FCHSD2: variants seen among roughly 807,000 people sequenced by gnomAD.
FCHSD2 encodes the protein FCH and double SH3 domains 2, also known as F-BAR and double SH3 domains protein 2.
Under a neutral mutation model 108.1 loss-of-function variants are expected in FCHSD2, and 38 were observed. The observed-to-expected ratio is 0.35, with a 90% CI of 0.27 to 0.46. The LOEUF is 0.46. FCHSD2 is among the 20% of genes least tolerant of loss of function. The pLI, the probability that FCHSD2 is intolerant of heterozygous loss-of-function variation, is 1.00. For missense variants in FCHSD2, 751 were observed against 897.8 expected, an observed-to-expected ratio of 0.84 and a Z score of 2.09; for synonymous variants, 279 against 314.7, an observed-to-expected ratio of 0.89 and a Z score of 1.20.
intron 1 of FCHSD2, 46 bp from the exon 2 acceptor site, chr11:73,140,174 C>A: frequency 2.5e-6 from 3 of 1,184,432 alleles, no homozygotes; most frequent in South Asian, 1.4e-5. Context: ...CAAATTTAAC[C>A]CAAAAAAATT....
intron 5 of FCHSD2, among the ~76,000 whole-genome samples, chr11:72,995,514 C>A (rs1857503453): frequency 6.6e-6 from 1 of 151,664 alleles, no homozygotes; most frequent in Non-Finnish European, 1.5e-5. Flanking sequence ...CCACCCTGGG[C>A]AACATGGTGA....
At chr11:73,120,680 G>T (rs1860711597) in intron 2 of FCHSD2, among the ~76,000 whole-genome samples, 1 of 151,978 alleles carries the variant, frequency 6.6e-6, no homozygotes, top group Non-Finnish European at 1.5e-5. Context: ...AGTGAGCTGA[G>T]ATCATGCCAC....
intron 2 of FCHSD2, among the ~76,000 whole-genome samples, chr11:73,111,684 G>A (rs191868874): frequency 9.9e-5 from 15 of 151,330 alleles, no homozygotes; most frequent in African/African-American, 3.4e-4. Context: ...CTTCCTTCCT[G>A]TCTTCCTTTT....
intron 8 of FCHSD2, among the ~76,000 whole-genome samples, chr11:72,935,300 C>T (rs546375758): frequency 3.2e-4 from 48 of 152,240 alleles, no homozygotes; most frequent in Non-Finnish European, 5.7e-4. Flanking sequence ...GAACTTTAAA[C>T]AGTCCCCTCC....
chr11:72,952,718 G>A (rs1002576765), intron 8 of FCHSD2, among the ~76,000 whole-genome samples: 1 of 152,132 alleles, frequency 6.6e-6, no homozygotes, highest in Admixed American at 6.5e-5. Context: ...TGGAAGATAA[G>A]GGAAGGAAGA....
intron 8 of FCHSD2, among the ~76,000 whole-genome samples, chr11:72,952,441 C>A (rs1014000554): frequency 2.0e-5 from 3 of 151,994 alleles, no homozygotes; most frequent in Non-Finnish European, 4.4e-5. Flanking sequence ...TCTCCTGCCT[C>A]AGCCTCCTGA....
At chr11:73,085,976 A>T (rs1196653685) in intron 2 of FCHSD2, among the ~76,000 whole-genome samples, 1 of 152,208 alleles carries the variant, frequency 6.6e-6, no homozygotes, top group African/African-American at 2.4e-5. Context: ...AAAGATACTA[A>T]AACAATGGTT....
At chr11:72,930,019 A>G (rs1451625232) in intron 8 of FCHSD2, among the ~76,000 whole-genome samples, 1 of 152,194 alleles carries the variant, frequency 6.6e-6, no homozygotes, top group Non-Finnish European at 1.5e-5. Flanking sequence ...GAAGTAGAGA[A>G]TGAGGCATTT....
rs143309417 is a variant in FCHSD2, at chr11:73,025,732, G to A, written c.166-9847C>T. Among the ~76,000 whole-genome samples the A allele has an allele frequency of 1.3e-5, 2 of 152,204 alleles. 1 individual carries two copies. Among genetic ancestry groups the A allele is most frequent in the African/African-American group, 4.8e-5 (2 of 41,516 alleles). On this transcript the variant is annotated intron_variant, in intron 3 of 19. Transcript: ENST00000409418. ...GTAGAATTATAATCTGTATACTTGT[G>A]ACTAAACTATATCTCTAAATTGGTA...
intron 3 of FCHSD2, among the ~76,000 whole-genome samples, chr11:73,037,784 C>T (rs532286213): frequency 6.6e-6 from 1 of 152,196 alleles, no homozygotes; most frequent in African/African-American, 2.4e-5. Context: ...GTCCTCATTA[C>T]CTTGTAACCC....
intron 14 of FCHSD2, among the ~76,000 whole-genome samples, chr11:72,847,898 G>C (rs571892018): frequency 4.6e-5 from 7 of 152,100 alleles, no homozygotes; most frequent in Non-Finnish European, 1.0e-4. Flanking sequence ...TCACCATGTT[G>C]GTTGGGCCAG....
At position 72,984,119 on chromosome 11, in the gene FCHSD2, T is replaced by C. The variant is rs1229718360; in HGVS notation, c.674A>G (p.Tyr225Cys). Reference protein sequence around the residue: ...LAAANAHQDRYYQTDLVNIMK... With the variant: ...LAAANAHQDRCYQTDLVNIMK... ...AATGTTAACTAAATCTGTTTGATAG[T>C]AGCGATCCTGATGTGCATTTGCTGC... is the stretch of plus-strand genomic sequence containing the variant. The change falls in exon 8 of 20, where the codon TAC becomes TGC. Residue 225 changes from tyrosine (Y) to cysteine (C), a missense_variant. Physicochemically the swap from Tyr to Cys is radical, Grantham distance 194. Transcript: ENST00000409418. 1.9e-6 allele frequency: 3 copies of C among 1,613,336 alleles called. No individual in the cohort carries two copies. Among genetic ancestry groups the C allele is most frequent in the African/African-American group, 1.3e-5 (1 of 74,936 alleles).
chr11:72,842,974 C>A, intron 16 of FCHSD2, 133 bp from the exon 17 acceptor site: 1 of 880,722 alleles, frequency 1.1e-6, no homozygotes, highest in Non-Finnish European at 1.7e-6. Context: ...TTTTTACTCA[C>A]TGATGAATGA....
intron 2 of FCHSD2, among the ~76,000 whole-genome samples, chr11:73,110,699 T>G (rs1181636884): frequency 6.6e-6 from 1 of 152,138 alleles, no homozygotes; most frequent in African/African-American, 2.4e-5. Context: ...TTTCTTTTAT[T>G]CTACTAATTG....
intron 10 of FCHSD2, among the ~76,000 whole-genome samples, chr11:72,898,853 C>T (rs1855472206): frequency 6.6e-6 from 1 of 151,902 alleles, no homozygotes; most frequent in African/African-American, 2.4e-5. Context: ...CTTCAGCTTC[C>T]TGAGTAGCAG....
chr11:72,923,037 C>A (rs560346601), intron 8 of FCHSD2, among the ~76,000 whole-genome samples: 7 of 152,230 alleles, frequency 4.6e-5, no homozygotes, highest in Admixed American at 4.6e-4. Context: ...TAAATCAAAT[C>A]ATATAATATA....
At chr11:73,123,533 T>C (rs142906284) in intron 2 of FCHSD2, among the ~76,000 whole-genome samples, 209 of 152,346 alleles carry the variant, frequency 1.4e-3, no homozygotes, top group Middle Eastern at 6.8e-3. Flanking sequence ...AGTGCACAGG[T>C]GACTCTTGCT....
chr11:72,867,993 G>A lies in FCHSD2; in HGVS notation c.1180C>T (p.Leu394=). 1 of 1,571,788 alleles carries A rather than the reference G, an allele frequency of 6.4e-7. No homozygotes were observed. Among genetic ancestry groups the A allele is most frequent in the Admixed American group, 1.9e-5 (1 of 51,802 alleles). Residue 394 remains leucine, a synonymous_variant, in exon 13 of 20, where the codon CTG becomes TTG. Transcript: ENST00000409418. ...ACAGAAACACCAATCTGCTTTAGCA[G>A]GTCCAACCGGGCTTCAGCTTTCAAT... is the stretch of plus-strand genomic sequence containing the variant. ...IKLKAEARLD[L]LKQIGVSVDT... is the part of the protein sequence containing the mutation.
At chr11:73,054,004 G>A (rs889035329) in intron 3 of FCHSD2, among the ~76,000 whole-genome samples, 2 of 152,232 alleles carry the variant, frequency 1.3e-5, no homozygotes, top group South Asian at 2.1e-4. Context: ...AAGGGAAAAG[G>A]GGGGAAGAGT....
Sources: gnomAD v4.1 joint callset for allele counts (sites outside exome capture counted in the v4.1 genomes callset) on GRCh38, gnomAD v4.1.1 for gene constraint, MANE v1.5 for transcripts, NCBI Gene and HGNC (gene_info 2026-07-23, HGNC 2026-07-21) for gene names.